ZNF320: variants seen among roughly 807,000 people sequenced by gnomAD.
The protein encoded by ZNF320 is zinc finger gene 320.
In ZNF320, 2 loss-of-function variants were observed where a neutral mutation model predicts 6.8. The ratio of observed to expected loss-of-function variants is 0.29; its 90% CI spans 0.12 to 0.93. The LOEUF (loss-of-function observed/expected upper bound fraction) is 0.93. ZNF320 is among the 40% of genes least tolerant of loss of function. The pLI, the probability that ZNF320 is intolerant of heterozygous loss-of-function variation, is 0.55. For synonymous variants in ZNF320, 208 were observed against 203.2 expected (o/e 1.02, Z -0.20); for missense variants, 472 against 611.0 (o/e 0.77, Z 2.40).
exon 6 of ZNF320, among the ~76,000 whole-genome samples, chr19:52,861,340 C>T (rs567709280): frequency 6.6e-6 from 1 of 152,262 alleles, no homozygotes; most frequent in South Asian, 2.1e-4. Flanking sequence ...TCCACAAACA[C>T]TGATCAAAAT....
upstream of ZNF320, among the ~76,000 whole-genome samples, chr19:52,899,485 T>G (rs1215487596): frequency 1.3e-5 from 2 of 152,152 alleles, no homozygotes; most frequent in Non-Finnish European, 2.9e-5. Flanking sequence ...TTTTTGGTGA[T>G]GGAGTCTCGC....
At chr19:52,897,876 C>T (rs1303938713), upstream of ZNF320, among the ~76,000 whole-genome samples, 1 of 152,104 alleles carries the variant, frequency 6.6e-6, no homozygotes, top group Admixed American at 6.5e-5. Flanking sequence ...TCGGCGGGGG[C>T]GAGAAGCGGG....
At position 52,880,621 on chromosome 19, in the gene ZNF320, T is replaced by C. The variant is rs971112204; in HGVS notation, c.1505A>G (p.Tyr502Cys). The C allele has an allele frequency of 1.9e-6, 3 of 1,611,014 alleles. No homozygotes were observed. In the African/African-American group the frequency reaches 4.0e-5, roughly 22 times the overall value. Residue 502 changes from tyrosine to cysteine, a missense_variant, in exon 6 of 6, where the codon TAT becomes TGT. Physicochemically the swap from Tyr to Cys is radical, Grantham distance 194. This residue lies in a region of ZNF320 where 462 missense variants were observed against 559.7 expected (regional missense o/e 0.83). Transcript: ENST00000682928. ...TCAATTAATGCTTGATGGTTTGCTA[T>C]ACTCATTGCACTTGAAACAATTGTC... ...FGDNCFKCNEYSKPSSIN is the reference protein window; with the variant it reads ...FGDNCFKCNECSKPSSIN
At chr19:52,883,667 A>C (rs542414520) in intron 5 of ZNF320, 1 of 452,658 alleles carries the variant, frequency 2.2e-6, no homozygotes, top group South Asian at 1.6e-5. Context: ...TGGTAGGCTG[A>C]GTCGGGTGGA....
intron 5 of ZNF320, among the ~76,000 whole-genome samples, chr19:52,871,097 A>G (rs2063673185): frequency 6.6e-6 from 1 of 152,184 alleles, no homozygotes; most frequent in Non-Finnish European, 1.5e-5. Flanking sequence ...CAGTCAGCTG[A>G]CAGCCTGTCA....
chr19:52,868,335 T>C (rs56389342), intron 5 of ZNF320, among the ~76,000 whole-genome samples: 10 of 151,990 alleles, frequency 6.6e-5, no homozygotes, highest in African/African-American at 1.2e-4. Context: ...GGAAAAACCC[T>C]GTCTCTACTT....
intron 1 of ZNF320, among the ~76,000 whole-genome samples, chr19:52,896,754 G>A (rs2147906745): frequency 6.6e-6 from 1 of 152,238 alleles, no homozygotes; most frequent in South Asian, 2.1e-4. Flanking sequence ...TGGGTCTGGG[G>A]GCAGCGAATC....
At chr19:52,860,597 C>CCAAAA (rs1555813161), downstream of ZNF320, among the ~76,000 whole-genome samples, 7 of 118,860 alleles carry the variant, frequency 5.9e-5, no homozygotes, top group South Asian at 2.7e-4. Flanking sequence ...GAAACGGCAT[C>CCAAAA]AAAAAAAAAA....
At chr19:52,861,334 C>G (rs1341372229) in exon 6 of ZNF320, among the ~76,000 whole-genome samples, 1 of 152,142 alleles carries the variant, frequency 6.6e-6, no homozygotes, top group Non-Finnish European at 1.5e-5. Context: ...TTGAAATCCA[C>G]AAACACTGAT....
At chr19:52,866,479 G>C (rs1044731095) in intron 5 of ZNF320, among the ~76,000 whole-genome samples, 2 of 151,984 alleles carry the variant, frequency 1.3e-5, no homozygotes, top group African/African-American at 4.8e-5. Flanking sequence ...TCTTCATTCA[G>C]AAAATGCTCC....
chr19:52,900,193 A>G (rs560544367), upstream of ZNF320, among the ~76,000 whole-genome samples: 6 of 152,308 alleles, frequency 3.9e-5, no homozygotes, highest in African/African-American at 1.4e-4. Flanking sequence ...GGGCCTCAAC[A>G]GTCTGCAACT....
chr19:52,871,965 C>T (rs2063688331), downstream of ZNF320, among the ~76,000 whole-genome samples: 1 of 152,184 alleles, frequency 6.6e-6, no homozygotes, highest in Non-Finnish European at 1.5e-5. Context: ...CCAGGGTCCC[C>T]CTTCGTCTTC....
chr19:52,882,000 C>T lies in ZNF320; in HGVS notation c.143-17G>A. 6.3e-7 allele frequency: 1 copy of T among 1,595,126 alleles called. No homozygotes were observed. The highest frequency in any genetic ancestry group is 8.5e-7 in the Non-Finnish European group (1 of 1,172,578). ...AAGAGATATCTACAAAATATAAACA[C>T]CAATAGGTTTCCAATTAAGTACAGA... On this transcript the variant is annotated splice_polypyrimidine_tract_variant and intron_variant, in intron 5 of 5. Transcript: ENST00000682928.
intron 2 of ZNF320, among the ~76,000 whole-genome samples, chr19:52,892,844 C>G (rs572165503): frequency 1.8e-4 from 27 of 151,842 alleles, no homozygotes; most frequent in African/African-American, 5.6e-4. Flanking sequence ...CAGCACCACT[C>G]TGCTCTGTCT....
intron 4 of ZNF320, among the ~76,000 whole-genome samples, chr19:52,889,044 C>T (rs1245593016): frequency 1.3e-5 from 2 of 151,954 alleles, no homozygotes; most frequent in South Asian, 2.1e-4. Flanking sequence ...ATTAGCTGGG[C>T]GTGGTGGCAC....
At chr19:52,884,372 C>T (rs183058690) in intron 5 of ZNF320, among the ~76,000 whole-genome samples, 45 of 152,278 alleles carry the variant, frequency 3.0e-4, no homozygotes, top group African/African-American at 7.5e-4. Context: ...GGCTGGAGTG[C>T]AGTGGCGTGA....
intron 4 of ZNF320, among the ~76,000 whole-genome samples, chr19:52,889,548 T>C (rs2064219382): frequency 1.3e-5 from 2 of 152,178 alleles, no homozygotes; most frequent in African/African-American, 4.8e-5. Flanking sequence ...AGAAAAATTG[T>C]AACCAGTTTT....
At chr19:52,871,303 G>C (rs2063676628), downstream of ZNF320, among the ~76,000 whole-genome samples, 1 of 151,974 alleles carries the variant, frequency 6.6e-6, no homozygotes, top group South Asian at 2.1e-4. Flanking sequence ...CTAAGCCACA[G>C]AGCGATATTT....
At chr19:52,887,344 G>C (rs2064126410) in intron 5 of ZNF320, among the ~76,000 whole-genome samples, 1 of 152,176 alleles carries the variant, frequency 6.6e-6, no homozygotes, top group South Asian at 2.1e-4. Flanking sequence ...CTTATAAAAA[G>C]AAAGGACCAT....
Sources: allele counts gnomAD v4.1 joint callset (sites outside exome capture counted in the v4.1 genomes callset), GRCh38; gene constraint gnomAD v4.1.1; regional missense constraint gnomAD v4.1.1; transcripts MANE v1.5; gene names NCBI Gene and HGNC (gene_info 2026-07-23, HGNC 2026-07-21).